GLS: variants seen among roughly 807,000 people sequenced by gnomAD.
GLS encodes glutaminase.
In GLS, 36 loss-of-function variants were observed where a neutral mutation model predicts 86.7. The observed-to-expected ratio is 0.42, with a 90% CI of 0.32 to 0.55. The LOEUF is 0.55. Among genes scored for constraint, GLS ranks in the 20% least tolerant of loss-of-function variants. GLS has a pLI of 0.17. For missense variants in GLS, 528 were observed against 833.4 expected (o/e 0.63, Z 4.51); for synonymous variants, 317 against 305.9 (o/e 1.04, Z -0.38).
chr2:190,908,060 T>A (rs112490799), intron 6 of GLS, among the ~76,000 whole-genome samples: 11,939 of 152,114 alleles, frequency 0.078, 1,539 homozygotes, highest in African/African-American at 0.27. Context: ...CACTGCACAT[T>A]TTTTCCAACC....
intron 14 of GLS, chr2:190,933,083 C>G (rs1326438912): frequency 2.0e-6 from 2 of 984,598 alleles, no homozygotes; most frequent in Admixed American, 5.3e-5. Context: ...CATAAATTTG[C>G]TTTATTTTTA....
intron 1 of GLS, among the ~76,000 whole-genome samples, chr2:190,885,615 G>T (rs920164144): frequency 6.6e-6 from 1 of 152,150 alleles, no homozygotes; most frequent in Admixed American, 6.5e-5. Flanking sequence ...TTAAGTTTTA[G>T]AACTGAATGA....
In GLS at chr2:190,915,833, G is replaced by A. The variant is rs539281412; in HGVS notation, c.1039-5191G>A. On this transcript the variant is annotated intron_variant, in intron 7 of 17. Coordinates refer to ENST00000320717, the MANE Select transcript of GLS (RefSeq NM_014905.5). ...GAACCATTGTAATAACTGGTAATAA[G>A]TCCTGTTATATACTAGGTTGTTTCC... Among the ~76,000 whole-genome samples, 11 of 152,242 alleles carry A rather than the reference G, an allele frequency of 7.2e-5. No homozygotes were observed. The East Asian group carries it at 2.1e-3, about 29-fold the overall frequency.
Position 190,938,371 on chromosome 2 carries a change from A to G in GLS, c.1650+6734A>G, listed in dbSNP as rs1690335216. Reference sequence around the variant, plus strand: ...TTTATATAATGAAAATCTCCTCTGCACAGCAATTATATTTGGAATCCTGAG... The same window carrying G: ...TTTATATAATGAAAATCTCCTCTGCGCAGCAATTATATTTGGAATCCTGAG... On this transcript the variant is annotated intron_variant, in intron 14 of 17. Transcript: ENST00000320717. This position sits in a 1 kb window ranked among gnomAD's most constrained non-coding sequence, Gnocchi z 4.1. Among the ~76,000 whole-genome samples, 1 of 151,598 alleles carries G rather than the reference A, an allele frequency of 6.6e-6. No individual in the cohort carries two copies. The highest frequency in any genetic ancestry group is 6.6e-5 in the Admixed American group (1 of 15,218).
intron 11 of GLS, among the ~76,000 whole-genome samples, chr2:190,926,764 C>G (rs931613308): frequency 1.3e-5 from 2 of 152,112 alleles, no homozygotes; most frequent in Non-Finnish European, 2.9e-5. Flanking sequence ...TGAGACAGAT[C>G]TGCTTTATAT....
chr2:190,904,049 TA>T (rs1462904962), intron 5 of GLS, among the ~76,000 whole-genome samples: 1 of 152,158 alleles, frequency 6.6e-6, no homozygotes, highest in Non-Finnish European at 1.5e-5. Flanking sequence ...GGTGGTAATA[TA>T]AAGCTTTCTT....
intron 7 of GLS, chr2:190,919,694 A>G (rs1346969974): frequency 2.5e-6 from 2 of 800,850 alleles, no homozygotes; most frequent in African/African-American, 1.9e-5. Context: ...TCTTCTTTTA[A>G]TTATTTTTCA....
Position 190,884,006 on chromosome 2 carries a change from A to C in GLS, c.386+2536A>C, listed in dbSNP as rs552154884. On this transcript the variant is annotated intron_variant, in intron 1 of 17. Coordinates refer to ENST00000320717, the MANE Select transcript of GLS (RefSeq NM_014905.5). ...TGTGGTTTAGGATACGAACGTCTTA[A>C]TATCACATAGAAAAATTTAATGATC... Among the ~76,000 whole-genome samples the C allele has an allele frequency of 2.0e-5, 3 of 152,336 alleles. No homozygotes were observed. In the East Asian group the frequency reaches 5.8e-4, roughly 29 times the overall value.
chr2:190,887,882 G>C (rs1158372281), intron 1 of GLS, among the ~76,000 whole-genome samples: 1 of 152,104 alleles, frequency 6.6e-6, no homozygotes, highest in Non-Finnish European at 1.5e-5. Context: ...TACTTTTTAG[G>C]ATATAAGGTA....
In GLS at chr2:190,965,079, T is replaced by C. The variant is rs965812479; in HGVS notation, c.*2093T>C. ...GCTGTTTGCTGTTGGCTGGTAATAA[T>C]ATATTTGATTTAAATGCTGTTGACT... On this transcript the variant is annotated 3_prime_UTR_variant, in exon 18 of 18. Transcript: ENST00000320717. The surrounding 1 kb of genome is among the most constrained non-coding windows in gnomAD (Gnocchi z 5.0). 3.3e-5 allele frequency: 5 copies of C among 152,276 alleles called. No individual in the cohort carries two copies. Among genetic ancestry groups the C allele is most frequent in the Non-Finnish European group, 7.3e-5 (5 of 68,038 alleles). 9.4% of individuals were successfully genotyped at this position (152,276 alleles called of 1,614,324 possible). A position where few individuals can be genotyped will look rare whatever the true frequency, so the allele number is the denominator to read the frequency against.
At position 190,938,692 on chromosome 2, in the gene GLS, T is replaced by C. The variant is rs1574611635; in HGVS notation, c.1650+7055T>C. Among the ~76,000 whole-genome samples, 2 of 151,788 alleles carry C rather than the reference T, an allele frequency of 1.3e-5. No homozygotes were observed. Among genetic ancestry groups the C allele is most frequent in the Middle Eastern group, 6.8e-3 (2 of 294 alleles). On this transcript the variant is annotated intron_variant, in intron 14 of 17. Transcript: ENST00000320717. This position sits in a 1 kb window ranked among gnomAD's most constrained non-coding sequence, Gnocchi z 4.1. Reference sequence around the variant, plus strand: ...GTTTTGTTAGGATGGACTTTCTGTTTGTAGATGTTTCTGTTTGTGGTTTAG... The same window carrying C: ...GTTTTGTTAGGATGGACTTTCTGTTCGTAGATGTTTCTGTTTGTGGTTTAG...
At chr2:190,932,992 CT>C (rs377268627) in intron 14 of GLS, 46 of 1,196,480 alleles carry the variant, frequency 3.8e-5, no homozygotes, top group Admixed American at 4.3e-5. Flanking sequence ...AGCCATAAAG[CT>C]TTTTTTTCCT....
Position 190,947,714 on chromosome 2 carries a change from T to A in GLS, c.1651-5851T>A, listed in dbSNP as rs1018115237. On this transcript the variant is annotated intron_variant, in intron 14 of 17. Transcript: ENST00000320717. This position sits in a 1 kb window ranked among gnomAD's most constrained non-coding sequence, Gnocchi z 5.0. The stretch of plus-strand genomic sequence containing the variant: ...ACTTTGGCCTCCTTGACAGGTATTT[T>A]AAAATCAATGTAACTCAAGTATCCA... 1.3e-5 allele frequency among the ~76,000 whole-genome samples: 2 copies of A among 152,218 alleles called. No individual in the cohort carries two copies. The highest frequency in any genetic ancestry group is 4.8e-5 in the African/African-American group (2 of 41,458).
rs779687015 is a variant in GLS, at chr2:190,902,033, T to A, written c.815+7T>A. The A allele has an allele frequency of 8.0e-5, 125 of 1,566,074 alleles. No individual in the cohort carries two copies. Among genetic ancestry groups the A allele is most frequent in the Non-Finnish European group, 1.0e-4 (118 of 1,136,628 alleles). On this transcript the variant is annotated splice_region_variant and intron_variant, in intron 5 of 17. Transcript: ENST00000320717. ...GTACAGTAGATGGACAGAGGTAAGT[T>A]TATTTCAAATTCATGAAAACCAACT... is the stretch of plus-strand genomic sequence containing the variant.
chr2:190,963,139 T>TC lies in GLS; in HGVS notation c.*154dup. ...TTCTTCATTGTGCACACAGGACAAA[T>TC]CTGATCTCTTTGGGAAAAAATAGAA... On this transcript the variant is annotated 3_prime_UTR_variant, in exon 18 of 18. Transcript: ENST00000320717. 1.9e-6 allele frequency: 1 copy of TC among 529,762 alleles called. No homozygotes were observed. The highest frequency in any genetic ancestry group is 3.3e-6 in the Non-Finnish European group (1 of 306,262). The allele number at this position is 529,762 out of a possible 1,614,324, so 32.8% of individuals were successfully genotyped here.
rs1690594918 is a variant in GLS, at chr2:190,947,122, C to T, written c.1651-6443C>T. Among the ~76,000 whole-genome samples, 1 of 152,108 alleles carries T rather than the reference C, an allele frequency of 6.6e-6. No individual in the cohort carries two copies. Among genetic ancestry groups the T allele is most frequent in the Non-Finnish European group, 1.5e-5 (1 of 68,026 alleles). On this transcript the variant is annotated intron_variant, in intron 14 of 17. Transcript: ENST00000320717. The surrounding 1 kb of genome is among the most constrained non-coding windows in gnomAD (Gnocchi z 5.0). Reference sequence around the variant, plus strand: ...ATATAATTCTAATAATTGCTACTTACTCATAAGTACAGAATTATTAGGGCA... The same window carrying T: ...ATATAATTCTAATAATTGCTACTTATTCATAAGTACAGAATTATTAGGGCA...
At chr2:190,888,834 C>T (rs2125977073) in intron 1 of GLS, among the ~76,000 whole-genome samples, 1 of 152,238 alleles carries the variant, frequency 6.6e-6, no homozygotes, top group African/African-American at 2.4e-5. Flanking sequence ...CTTTAGCTAT[C>T]CTCCTTCACT....
intron 17 of GLS, among the ~76,000 whole-genome samples, chr2:190,959,676 G>T (rs1169541722): frequency 6.6e-6 from 1 of 152,172 alleles, no homozygotes; most frequent in African/African-American, 2.4e-5. Context: ...AGAAGCCAGT[G>T]ATTGGTGAGG....
rs867322593 is a variant in GLS at position 190,924,178 on chromosome 2, G to A, written c.1197+195G>A. Among the ~76,000 whole-genome samples, 3 of 152,108 alleles carry A rather than the reference G, an allele frequency of 2.0e-5. No homozygotes were observed. Among genetic ancestry groups the A allele is most frequent in the South Asian group, 4.1e-4 (2 of 4,832 alleles). The stretch of plus-strand genomic sequence containing the variant: ...TTGTTAATTTGATTTGTATCTGGCA[G>A]CATTTAAATATTTGACTCATATTAT... On this transcript the variant is annotated intron_variant, in intron 10 of 17. Transcript: ENST00000320717. This position sits in a 1 kb window ranked among gnomAD's most constrained non-coding sequence, Gnocchi z 5.2.
Sources: gnomAD v4.1 joint callset for allele counts (sites outside exome capture counted in the v4.1 genomes callset) on GRCh38, gnomAD v4.1.1 for gene constraint, Gnocchi (gnomAD v3.1) non-coding constraint, MANE v1.5 for transcripts, NCBI Gene and HGNC (gene_info 2026-07-23, HGNC 2026-07-21) for gene names.